Variants in NAA35 observed in about 807,000 individuals in gnomAD.
The protein encoded by NAA35 is MAK10 homolog, amino-acid N-acetyltransferase subunit.
NAA35 carries 18 observed loss-of-function variants against 101.7 expected under a neutral mutation model. That is an observed-to-expected ratio of 0.18 (90% CI 0.12 to 0.26). The LOEUF (loss-of-function observed/expected upper bound fraction) is 0.26. NAA35 is among the 10% of genes least tolerant of loss of function. The probability of loss-of-function intolerance (pLI) is 1.00; values close to 1 mark genes in which losing one functional copy is unlikely to be tolerated. For missense variants in NAA35, 601 were observed against 886.8 expected (o/e 0.68, Z 4.09); for synonymous variants, 267 against 273.1 (o/e 0.98, Z 0.22).
At chr9:85,945,817 C>G (rs1363888968) in intron 2 of NAA35, among the ~76,000 whole-genome samples, 1 of 152,158 alleles carries the variant, frequency 6.6e-6, no homozygotes, top group Non-Finnish European at 1.5e-5. Context: ...CTGTGCCCAG[C>G]CTGACTCTGG....
At chr9:85,978,537 T>TA (rs1174052726) in intron 11 of NAA35, among the ~76,000 whole-genome samples, 156 bp downstream of exon 11, 4 of 152,214 alleles carry the variant, frequency 2.6e-5, no homozygotes, top group African/African-American at 7.2e-5. Flanking sequence ...TGTAAATATA[T>TA]ACTAGACTAA....
chr9:85,946,864 C>T (rs1270348968), intron 2 of NAA35, among the ~76,000 whole-genome samples: 1 of 152,170 alleles, frequency 6.6e-6, no homozygotes, highest in Non-Finnish European at 1.5e-5. Context: ...CATTCATCTT[C>T]TTCAGTTCTT....
In NAA35 at chr9:85,945,713, G is replaced by T. The variant is rs578111704; in HGVS notation, c.124+3430G>T. Reference sequence around the variant, plus strand: ...TTTTTGTATTTTTAGTAGAGACGGGGTTTCACCGTGTTAGTCAGGATGGTC... The same window carrying T: ...TTTTTGTATTTTTAGTAGAGACGGGTTTTCACCGTGTTAGTCAGGATGGTC... On this transcript the variant is annotated intron_variant, in intron 2 of 22. Transcript: ENST00000361671. 3.3e-5 allele frequency among the ~76,000 whole-genome samples: 5 copies of T among 152,146 alleles called. No homozygotes were observed. The South Asian group carries it at 1.0e-3, about 32-fold the overall frequency.
At chr9:85,952,861 GGTT>G (rs1829080535) in intron 2 of NAA35, among the ~76,000 whole-genome samples, 1 of 152,112 alleles carries the variant, frequency 6.6e-6, no homozygotes, top group Non-Finnish European at 1.5e-5. Flanking sequence ...GCTTTATCAA[GGTT>G]GTTTTTTTAT....
intron 13 of NAA35, among the ~76,000 whole-genome samples, chr9:86,004,420 A>G (rs570298964): frequency 2.4e-5 from 2 of 82,450 alleles, no homozygotes; most frequent in African/African-American, 5.0e-5. Flanking sequence ...TCCAGGCTGC[A>G]GTGAGCTGTG....
chr9:85,941,510 C>T (rs773584610), intron 1 of NAA35: 94 of 985,454 alleles, frequency 9.5e-5, no homozygotes, highest in Non-Finnish European at 1.1e-4. Flanking sequence ...CCCTCCCGCG[C>T]GGCGACAGCT....
rs1021831791 is a variant in NAA35 at position 85,962,113 on chromosome 9, C to T, written c.449C>T (p.Ala150Val). 1 of 1,614,044 alleles carries T rather than the reference C, an allele frequency of 6.2e-7. No individual in the cohort carries two copies. Among genetic ancestry groups the T allele is most frequent in the Non-Finnish European group, 8.5e-7 (1 of 1,179,982 alleles). ...GAAGATCCTGCTATGAAGGCTTTTG[C>T]TCTGGGAATCTTGAAAATCTGTGAC... ...FIEDPAMKAF[A>V]LGILKICDIA... The change falls in exon 6 of 23, where the codon GCT becomes GTT. Residue 150 changes from alanine to valine, a missense_variant. Ala to Val is a moderately conservative substitution (Grantham distance 64). Around this residue, in one of 8 missense-constraint regions of NAA35, gnomAD observed 86 missense variants for 169.4 expected, o/e 0.51. Coordinates refer to ENST00000361671, the MANE Select transcript of NAA35 (RefSeq NM_024635.4).
rs1033189977 is a variant in NAA35 at position 86,025,056 on chromosome 9, C to T, written c.*3096C>T. ...TCTTTGACAAGTGTGCCTGTTTCAC[C>T]GTTTTGTTTGCACAAGACTCTAAGA... On this transcript the variant is annotated 3_prime_UTR_variant, in exon 23 of 23. Transcript: ENST00000361671. Among the ~76,000 whole-genome samples, 6 of 152,072 alleles carry T rather than the reference C, an allele frequency of 3.9e-5. No homozygotes were observed. Among genetic ancestry groups the T allele is most frequent in the African/African-American group, 1.4e-4 (6 of 41,404 alleles).
At chr9:85,966,545 A>AT (rs1485142473) in intron 6 of NAA35, 11 of 953,828 alleles carry the variant, frequency 1.2e-5, no homozygotes, top group South Asian at 5.3e-5. Flanking sequence ...ATGTAGTTTG[A>AT]TTTTTTCTTT....
At chr9:85,955,744 A>G (rs1279993978) in intron 2 of NAA35, among the ~76,000 whole-genome samples, 5 of 152,144 alleles carry the variant, frequency 3.3e-5, no homozygotes, top group South Asian at 2.1e-4. Flanking sequence ...GGAGTGCTCT[A>G]AAACCACTGT....
chr9:85,993,018 A>C (rs1830984870), intron 11 of NAA35, among the ~76,000 whole-genome samples: 1 of 152,180 alleles, frequency 6.6e-6, no homozygotes, highest in Non-Finnish European at 1.5e-5. Context: ...TGAATGGATA[A>C]GTTATGATAT....
intron 11 of NAA35, among the ~76,000 whole-genome samples, chr9:85,991,219 G>A (rs1182144383): frequency 6.6e-6 from 1 of 152,038 alleles, no homozygotes; most frequent in Non-Finnish European, 1.5e-5. Flanking sequence ...GTAGAGAGAG[G>A]CATGGGGTGT....
At chr9:85,964,885 A>G (rs1302812417) in intron 6 of NAA35, among the ~76,000 whole-genome samples, 1 of 152,204 alleles carries the variant, frequency 6.6e-6, no homozygotes, top group African/African-American at 2.4e-5. Context: ...GTATTTAAGC[A>G]ATCTTGGGAT....
chr9:86,008,917 G>T (rs1831768610), intron 14 of NAA35, among the ~76,000 whole-genome samples: 1 of 152,184 alleles, frequency 6.6e-6, no homozygotes, highest in South Asian at 2.1e-4. Flanking sequence ...TTTTTAGTCA[G>T]ATCATTTGTC....
At chr9:85,965,815 A>G (rs1228490998) in intron 6 of NAA35, among the ~76,000 whole-genome samples, 1 of 152,212 alleles carries the variant, frequency 6.6e-6, no homozygotes, top group African/African-American at 2.4e-5. Context: ...CTAAATCTTC[A>G]TACATAAGAG....
intron 6 of NAA35, among the ~76,000 whole-genome samples, chr9:85,963,636 G>A (rs750088886): frequency 2.6e-5 from 4 of 151,996 alleles, no homozygotes; most frequent in African/African-American, 7.2e-5. Flanking sequence ...TTACATATTT[G>A]TATTGATATG....
intron 6 of NAA35, among the ~76,000 whole-genome samples, chr9:85,962,881 T>C (rs1829581907): frequency 6.6e-6 from 1 of 152,178 alleles, no homozygotes; most frequent in African/African-American, 2.4e-5. Flanking sequence ...GGTATAGACA[T>C]TTTCCTTTAG....
rs61549690 is a variant in NAA35, at chr9:85,955,360, A to ATTTTTT, written c.125-988_125-983dup. Among the ~76,000 whole-genome samples, 27 of 53,936 alleles carry ATTTTTT rather than the reference A, an allele frequency of 5.0e-4. No homozygotes were observed. The East Asian group carries it at 5.3e-3, about 11-fold the overall frequency. The allele number at this position is 53,936 out of a possible 152,430, so 35.4% of individuals were successfully genotyped here. A position where few individuals can be genotyped will look rare whatever the true frequency, so the allele number is the denominator to read the frequency against. On this transcript the variant is annotated intron_variant, in intron 2 of 22. Transcript: ENST00000361671. ...TATATATATATATATATATATATAT[A>ATTTTTT]TTTTTTTTTTTTTTTTTCTTCAGAC...
rs77964657 is a variant in NAA35, at chr9:85,957,895, G to T, written c.159-577G>T. Among the ~76,000 whole-genome samples the T allele has an allele frequency of 0.023, 3,552 of 151,928 alleles. 381 individuals are homozygous for T. The East Asian group carries it at 0.36, about 16-fold the overall frequency. ...CGTAGATTGCTGGGTCCTACCCCGA[G>T]AATTCTTTATTAGGTCTAGTGTGAG... On this transcript the variant is annotated intron_variant, in intron 3 of 22. Coordinates refer to ENST00000361671, the MANE Select transcript of NAA35 (RefSeq NM_024635.4).
Sources: allele counts gnomAD v4.1 joint callset (sites outside exome capture counted in the v4.1 genomes callset), GRCh38; gene constraint gnomAD v4.1.1; regional missense constraint gnomAD v4.1.1; transcripts MANE v1.5; gene names NCBI Gene and HGNC (gene_info 2026-07-23, HGNC 2026-07-21).